KRTAP10-8: variants seen among roughly 807,000 people sequenced by gnomAD.
KRTAP10-8 encodes keratin-associated protein 10-8.
For synonymous variants in KRTAP10-8, 153 were observed against 139.5 expected (o/e 1.10, Z -0.68); for missense variants, 323 against 329.3 (o/e 0.98, Z 0.15).
chr21:44,612,843 T>A lies in KRTAP10-8; in HGVS notation c.743T>A (p.Phe248Tyr). 6.2e-7 allele frequency: 1 copy of A among 1,612,680 alleles called. No individual in the cohort carries two copies. The highest frequency in any genetic ancestry group is 8.5e-7 in the Non-Finnish European group (1 of 1,179,812). The change falls in exon 1 of 1, where the codon TTC becomes TAC. Residue 248 changes from phenylalanine (F) to tyrosine (Y), a missense_variant. Coordinates refer to ENST00000334662, the MANE Select transcript of KRTAP10-8 (RefSeq NM_198695.2). This position sits in a 1 kb window ranked among gnomAD's most constrained non-coding sequence, Gnocchi z 4.1. ...TGCCACCCGGCCTCCTGCCTGTCCT[T>A]CCTCTGCCGCCCCGCGTGCTCCCGC... is the stretch of plus-strand genomic sequence containing the variant. ...SCCHPASCLS[F>Y]LCRPACSRLA...
rs782507256 is a variant in KRTAP10-8, at chr21:44,612,183, G to T, written c.83G>T (p.Ser28Ile). Residue 28 changes from serine to isoleucine, a missense_variant, in exon 1 of 1, where the codon AGC becomes ATC. Ser to Ile is a moderately radical substitution (Grantham distance 142). Transcript: ENST00000334662. The surrounding 1 kb of genome is among the most constrained non-coding windows in gnomAD (Gnocchi z 4.1). Reference sequence around the variant, plus strand: ...TGCTCCAGTGACGTGGGCCATGTCAGCCGAGTCTCCTCCCCCAGCACCTGC... The same window carrying T: ...TGCTCCAGTGACGTGGGCCATGTCATCCGAGTCTCCTCCCCCAGCACCTGC... ...SVCSSDVGHVSRVSSPSTCTG... is the reference protein window; with the variant it reads ...SVCSSDVGHVIRVSSPSTCTG... 1 of 1,613,972 alleles carries T rather than the reference G, an allele frequency of 6.2e-7. No individual in the cohort carries two copies. Among genetic ancestry groups the T allele is most frequent in the South Asian group, 1.1e-5 (1 of 91,078 alleles).
Position 44,612,729 on chromosome 21 carries a change from C to T in KRTAP10-8, c.629C>T (p.Ser210Phe), listed in dbSNP as rs1555931470. Reference protein sequence around the residue: ...TSCCRPSSSVSLLCRPVCRPA... With the variant: ...TSCCRPSSSVFLLCRPVCRPA... ...TGCTGCAGACCCTCCTCCTCCGTGT[C>T]CCTCCTCTGCCGCCCTGTGTGCCGG... The change falls in exon 1 of 1, where the codon TCC (serine) becomes TTC (phenylalanine). Residue 210 changes from serine (S) to phenylalanine (F), a missense_variant. Transcript: ENST00000334662. This position sits in a 1 kb window ranked among gnomAD's most constrained non-coding sequence, Gnocchi z 4.1. 1.2e-6 allele frequency: 2 copies of T among 1,613,864 alleles called. No homozygotes were observed. The highest frequency in any genetic ancestry group is 1.7e-5 in the Admixed American group (1 of 60,018).
chr21:44,612,294 GC>G, the KRTAP10-8 span: 1 of 1,613,520 alleles, frequency 6.2e-7, no homozygotes, highest in Non-Finnish European at 8.5e-7. This position sits in a 1 kb window ranked among gnomAD's most constrained non-coding sequence, Gnocchi z 4.1. Context: ...ACCCCTAGCT[GC>G]TGTGCCCCAG....
In KRTAP10-8 at chr21:44,612,548, A is replaced by C; in HGVS notation, c.448A>C (p.Ser150Arg). 2 of 1,613,566 alleles carry C rather than the reference A, an allele frequency of 1.2e-6. No individual in the cohort carries two copies. The highest frequency in any genetic ancestry group is 2.2e-5 in the South Asian group (2 of 91,040). The change falls in exon 1 of 1, where the codon AGC (serine) becomes CGC (arginine). Residue 150 changes from serine (S) to arginine (R), a missense_variant. Coordinates refer to ENST00000334662, the MANE Select transcript of KRTAP10-8 (RefSeq NM_198695.2). The surrounding 1 kb of genome is among the most constrained non-coding windows in gnomAD (Gnocchi z 4.1). ...GASSPCCQQS[S>R]CQSACCTFSP... is the part of the protein sequence containing the mutation. ...TTCCTCCCCATGCTGCCAGCAGTCT[A>C]GCTGCCAGTCAGCTTGCTGCACCTT... is the stretch of plus-strand genomic sequence containing the variant.
At position 44,612,614 on chromosome 21, in the gene KRTAP10-8, A is replaced by G. The variant is rs782611877; in HGVS notation, c.514A>G (p.Lys172Glu). The change falls in exon 1 of 1, where the codon AAG (lysine) becomes GAG (glutamate). Residue 172 changes from lysine to glutamate, a missense_variant. Lys to Glu is a moderately conservative substitution (Grantham distance 56). Coordinates refer to ENST00000334662, the MANE Select transcript of KRTAP10-8 (RefSeq NM_198695.2). This position sits in a 1 kb window ranked among gnomAD's most constrained non-coding sequence, Gnocchi z 4.1. Reference protein sequence around the residue: ...QQACCVPICCKPICCVPVCSG... With the variant: ...QQACCVPICCEPICCVPVCSG... ...GGCCTGCTGTGTGCCCATCTGCTGC[A>G]AGCCCATCTGCTGTGTGCCTGTCTG... The G allele has an allele frequency of 6.2e-7, 1 of 1,613,052 alleles. No individual in the cohort carries two copies. Among genetic ancestry groups the G allele is most frequent in the East Asian group, 2.2e-5 (1 of 44,834 alleles).
Position 44,612,331 on chromosome 21 carries a change from C to T in KRTAP10-8, c.231C>T (p.Ala77=), listed in dbSNP as rs782719296. The stretch of plus-strand genomic sequence containing the variant: ...CCCCCTGCCTGGCCCTGGTCTGTGC[C>T]CCAGTGAGCTGTGAGCCCAGCCCCT... ...APAPCLALVC[A]PVSCEPSPCQ... The change falls in exon 1 of 1, where the codon GCC becomes GCT. Residue 77 remains alanine, a synonymous_variant. Transcript: ENST00000334662. This position sits in a 1 kb window ranked among gnomAD's most constrained non-coding sequence, Gnocchi z 4.1. The T allele has an allele frequency of 4.3e-6, 7 of 1,613,840 alleles. No individual in the cohort carries two copies. The highest frequency in any genetic ancestry group is 5.1e-6 in the Non-Finnish European group (6 of 1,180,014).
Position 44,612,599 on chromosome 21 carries a change from G to A in KRTAP10-8, c.499G>A (p.Val167Met). Residue 167 changes from valine (V) to methionine (M), a missense_variant, in exon 1 of 1, where the codon GTG (valine) becomes ATG (methionine). Coordinates refer to ENST00000334662, the MANE Select transcript of KRTAP10-8 (RefSeq NM_198695.2). This position sits in a 1 kb window ranked among gnomAD's most constrained non-coding sequence, Gnocchi z 4.1. ...CTCCCCATGCCAACAGGCCTGCTGTGTGCCCATCTGCTGCAAGCCCATCTG... is the reference window on the plus strand; with the variant it reads ...CTCCCCATGCCAACAGGCCTGCTGTATGCCCATCTGCTGCAAGCCCATCTG... ...TFSPCQQACC[V>M]PICCKPICCV... The A allele has an allele frequency of 2.5e-6, 4 of 1,613,956 alleles. No homozygotes were observed. The highest frequency in any genetic ancestry group is 3.4e-6 in the Non-Finnish European group (4 of 1,179,990).
Position 44,612,828 on chromosome 21 carries a change from C to A in KRTAP10-8, c.728C>A (p.Ala243Asp), listed in dbSNP as rs1336595468. 4 of 1,612,916 alleles carry A rather than the reference C, an allele frequency of 2.5e-6. No homozygotes were observed. The highest frequency in any genetic ancestry group is 3.4e-6 in the Non-Finnish European group (4 of 1,179,818). Reference sequence around the variant, plus strand: ...TGCCAGCCCAGCTGCTGCCACCCGGCCTCCTGCCTGTCCTTCCTCTGCCGC... The same window carrying A: ...TGCCAGCCCAGCTGCTGCCACCCGGACTCCTGCCTGTCCTTCCTCTGCCGC... ...SSCQPSCCHPASCLSFLCRPA... is the reference protein window; with the variant it reads ...SSCQPSCCHPDSCLSFLCRPA... The change falls in exon 1 of 1, where the codon GCC (alanine) becomes GAC (aspartate). Residue 243 changes from alanine to aspartate, a missense_variant. Physicochemically the swap from Ala to Asp is moderately radical, Grantham distance 126 (BLOSUM62 -2). Coordinates refer to ENST00000334662, the MANE Select transcript of KRTAP10-8 (RefSeq NM_198695.2). This position sits in a 1 kb window ranked among gnomAD's most constrained non-coding sequence, Gnocchi z 4.1.
In KRTAP10-8 at chr21:44,612,841, C is replaced by T. The variant is rs587609925; in HGVS notation, c.741C>T (p.Ser247=). ...PSCCHPASCL[S]FLCRPACSRL... The stretch of plus-strand genomic sequence containing the variant: ...GCTGCCACCCGGCCTCCTGCCTGTC[C>T]TTCCTCTGCCGCCCCGCGTGCTCCC... The change falls in exon 1 of 1, where the codon TCC becomes TCT. Residue 247 remains serine, a synonymous_variant. Coordinates refer to ENST00000334662, the MANE Select transcript of KRTAP10-8 (RefSeq NM_198695.2). This position sits in a 1 kb window ranked among gnomAD's most constrained non-coding sequence, Gnocchi z 4.1. The T allele has an allele frequency of 2.5e-6, 4 of 1,612,680 alleles. No individual in the cohort carries two copies. The African/African-American group carries it at 5.3e-5, about 22-fold the overall frequency.
chr21:44,612,851 C>A lies in KRTAP10-8; in HGVS notation c.751C>A (p.Arg251Ser), dbSNP rs116506540. 2.5e-6 allele frequency: 4 copies of A among 1,612,428 alleles called. No homozygotes were observed. In the South Asian group the frequency reaches 4.4e-5, roughly 18 times the overall value. The change falls in exon 1 of 1, where the codon CGC becomes AGC. Residue 251 changes from arginine to serine, a missense_variant. By Grantham distance (110) the Arg-to-Ser change is moderately radical (BLOSUM62 -1). Coordinates refer to ENST00000334662, the MANE Select transcript of KRTAP10-8 (RefSeq NM_198695.2). The surrounding 1 kb of genome is among the most constrained non-coding windows in gnomAD (Gnocchi z 4.1). ...HPASCLSFLC[R>S]PACSRLAC ...GGCCTCCTGCCTGTCCTTCCTCTGC[C>A]GCCCCGCGTGCTCCCGCCTGGCCTG...
At position 44,612,638 on chromosome 21, in the gene KRTAP10-8, T is replaced by G; in HGVS notation, c.538T>G (p.Cys180Gly). Reference protein sequence around the residue: ...CCKPICCVPVCSGASSLCCQK... With the variant: ...CCKPICCVPVGSGASSLCCQK... ...CAAGCCCATCTGCTGTGTGCCTGTCTGCTCTGGGGCTTCCTCTCTGTGCTG... is the reference window on the plus strand; with the variant it reads ...CAAGCCCATCTGCTGTGTGCCTGTCGGCTCTGGGGCTTCCTCTCTGTGCTG... Residue 180 changes from cysteine to glycine, a missense_variant, in exon 1 of 1, where the codon TGC becomes GGC. Coordinates refer to ENST00000334662, the MANE Select transcript of KRTAP10-8 (RefSeq NM_198695.2). This position sits in a 1 kb window ranked among gnomAD's most constrained non-coding sequence, Gnocchi z 4.1. 6.2e-7 allele frequency: 1 copy of G among 1,613,526 alleles called. No homozygotes were observed. Among genetic ancestry groups the G allele is most frequent in the Non-Finnish European group, 8.5e-7 (1 of 1,179,878 alleles).
In KRTAP10-8 at chr21:44,612,109, C is replaced by T. The variant is rs142127705; in HGVS notation, c.9C>T (p.Asp3=). ...CCAGTCCAGCACCCACCATGGCTGACGCCTGCTGCACCAGGACGTATGTGA... is the reference window on the plus strand; with the variant it reads ...CCAGTCCAGCACCCACCATGGCTGATGCCTGCTGCACCAGGACGTATGTGA... MA[D]ACCTRTYVIA... is the part of the protein sequence containing the mutation. The change falls in exon 1 of 1, where the codon GAC becomes GAT. Residue 3 remains aspartate (D), a synonymous_variant. Transcript: ENST00000334662. This position sits in a 1 kb window ranked among gnomAD's most constrained non-coding sequence, Gnocchi z 4.1. The T allele has an allele frequency of 3.1e-4, 495 of 1,613,260 alleles. 1 individual carries two copies. In the African/African-American group the frequency reaches 5.0e-3, roughly 16 times the overall value.
In KRTAP10-8 at chr21:44,612,788, G is replaced by A. The variant is rs1555931500; in HGVS notation, c.688G>A (p.Val230Ile). The A allele has an allele frequency of 1.2e-6, 2 of 1,613,184 alleles. No homozygotes were observed. The highest frequency in any genetic ancestry group is 1.3e-5 in the African/African-American group (1 of 74,810). Residue 230 changes from valine to isoleucine, a missense_variant, in exon 1 of 1, where the codon GTC (valine) becomes ATC (isoleucine). Coordinates refer to ENST00000334662, the MANE Select transcript of KRTAP10-8 (RefSeq NM_198695.2). This position sits in a 1 kb window ranked among gnomAD's most constrained non-coding sequence, Gnocchi z 4.1. ...ACCVPVPSCC[V>I]PASSCQPSCC... Reference sequence around the variant, plus strand: ...CTGTGTGCCTGTCCCCTCCTGTTGTGTCCCTGCCTCCTCCTGCCAGCCCAG... The same window carrying A: ...CTGTGTGCCTGTCCCCTCCTGTTGTATCCCTGCCTCCTCCTGCCAGCCCAG...
In KRTAP10-8 at chr21:44,612,441, G is replaced by C. The variant is rs587647828; in HGVS notation, c.341G>C (p.Cys114Ser). The C allele has an allele frequency of 2.6e-4, 416 of 1,613,994 alleles. 5 individuals carry two copies. The South Asian group carries it at 4.3e-3, about 17-fold the overall frequency. ...CCGGCTTGCTGCACCTCCTCCCCCT[G>C]CCAACAGGCCTGCTGTGTGCCTGTG... ...CQPACCTSSP[C>S]QQACCVPVCC... The change falls in exon 1 of 1, where the codon TGC becomes TCC. Residue 114 changes from cysteine to serine, a missense_variant. Cys to Ser is a moderately radical substitution (Grantham distance 112, BLOSUM62 -1). Coordinates refer to ENST00000334662, the MANE Select transcript of KRTAP10-8 (RefSeq NM_198695.2). This position sits in a 1 kb window ranked among gnomAD's most constrained non-coding sequence, Gnocchi z 4.1.
In KRTAP10-8 at chr21:44,612,882, G is replaced by C. The variant is rs782637094; in HGVS notation, c.*2G>C. 4 of 1,610,878 alleles carry C rather than the reference G, an allele frequency of 2.5e-6. No homozygotes were observed. In the South Asian group the frequency reaches 4.4e-5, roughly 18 times the overall value. The stretch of plus-strand genomic sequence containing the variant: ...GCGTGCTCCCGCCTGGCCTGCTGAG[G>C]CCTCTGCTCAGGCCAGGAGTCCAGC... On this transcript the variant is annotated 3_prime_UTR_variant, in exon 1 of 1. Transcript: ENST00000334662. This position sits in a 1 kb window ranked among gnomAD's most constrained non-coding sequence, Gnocchi z 4.1.
chr21:44,612,762 G>T lies in KRTAP10-8; in HGVS notation c.662G>T (p.Cys221Phe). The T allele has an allele frequency of 1.9e-6, 3 of 1,613,662 alleles. No homozygotes were observed. The highest frequency in any genetic ancestry group is 2.5e-6 in the Non-Finnish European group (3 of 1,179,938). ...TGCCGCCCTGTGTGCCGGCCTGCCT[G>T]CTGTGTGCCTGTCCCCTCCTGTTGT... ...LLCRPVCRPA[C>F]CVPVPSCCVP... The change falls in exon 1 of 1, where the codon TGC becomes TTC. Residue 221 changes from cysteine to phenylalanine, a missense_variant. Coordinates refer to ENST00000334662, the MANE Select transcript of KRTAP10-8 (RefSeq NM_198695.2). This position sits in a 1 kb window ranked among gnomAD's most constrained non-coding sequence, Gnocchi z 4.1.
At chr21:44,612,790 CCCTGCCTCCT>C in the KRTAP10-8 span, 3 of 1,613,468 alleles carry the variant, frequency 1.9e-6, no homozygotes, top group African/African-American at 4.0e-5. The surrounding 1 kb of genome is among the most constrained non-coding windows in gnomAD (Gnocchi z 4.1). Context: ...CCTGTTGTGT[CCCTGCCTCCT>C]CCTGCCAGCC....
Position 44,612,753 on chromosome 21 carries a change from G to A in KRTAP10-8, c.653G>A (p.Arg218Gln), listed in dbSNP as rs370087467. Residue 218 changes from arginine to glutamine, a missense_variant, in exon 1 of 1, where the codon CGG becomes CAG. Physicochemically the swap from Arg to Gln is conservative, Grantham distance 43. Coordinates refer to ENST00000334662, the MANE Select transcript of KRTAP10-8 (RefSeq NM_198695.2). The surrounding 1 kb of genome is among the most constrained non-coding windows in gnomAD (Gnocchi z 4.1). The part of the protein sequence containing the change: ...SVSLLCRPVC[R>Q]PACCVPVPSC... ...TCCCTCCTCTGCCGCCCTGTGTGCC[G>A]GCCTGCCTGCTGTGTGCCTGTCCCC... 84 of 1,612,906 alleles carry A rather than the reference G, an allele frequency of 5.2e-5. No homozygotes were observed. The highest frequency in any genetic ancestry group is 6.7e-5 in the East Asian group (3 of 44,840).
chr21:44,612,143 T>C lies in KRTAP10-8; in HGVS notation c.43T>C (p.Ser15Pro). 1 of 1,614,098 alleles carries C rather than the reference T, an allele frequency of 6.2e-7. No individual in the cohort carries two copies. The highest frequency in any genetic ancestry group is 8.5e-7 in the Non-Finnish European group (1 of 1,179,994). Residue 15 changes from serine to proline, a missense_variant, in exon 1 of 1, where the codon TCC (serine) becomes CCC (proline). Physicochemically the swap from Ser to Pro is moderately conservative, Grantham distance 74 (BLOSUM62 -1). Transcript: ENST00000334662. This position sits in a 1 kb window ranked among gnomAD's most constrained non-coding sequence, Gnocchi z 4.1. ...CACCAGGACGTATGTGATTGCTGCA[T>C]CCACCATGTCTGTCTGCTCCAGTGA... Reference protein sequence around the residue: ...CCTRTYVIAASTMSVCSSDVG... With the variant: ...CCTRTYVIAAPTMSVCSSDVG...
Sources: gnomAD v4.1 joint callset for allele counts on GRCh38, gnomAD v4.1.1 for gene constraint, Gnocchi (gnomAD v3.1) non-coding constraint, MANE v1.5 for transcripts, NCBI Gene and HGNC (gene_info 2026-07-23, HGNC 2026-07-21) for gene names.